The following HEATR4 variants were observed in gnomAD, a reference collection of about 807,000 sequenced individuals.
HEATR4 encodes HEAT repeat-containing protein 4.
Under a neutral mutation model 108.8 loss-of-function variants are expected in HEATR4, and 95 were observed. That is an observed-to-expected ratio of 0.87 (90% CI 0.74 to 1.04). The LOEUF is 1.04. HEATR4 is among the 50% of genes least tolerant of loss of function. The pLI, the probability that HEATR4 is intolerant of heterozygous loss-of-function variation, is 0.00. For synonymous variants in HEATR4, 443 were observed against 459.4 expected, an observed-to-expected ratio of 0.96 and a Z score of 0.46; for missense variants, 1,152 against 1,253.8, an observed-to-expected ratio of 0.92 and a Z score of 1.23.
At chr14:73,628,748 C>T in the HEATR4 span, among the ~76,000 whole-genome samples, 40 of 137,878 alleles carry the variant, frequency 2.9e-4, no homozygotes, top group African/African-American at 8.8e-4. Context: ...AGTGAAACTC[C>T]ATCTCAAAAA....
the HEATR4 span, among the ~76,000 whole-genome samples, chr14:73,610,290 CTT>C: frequency 1.4e-5 from 2 of 140,434 alleles, no homozygotes; most frequent in Non-Finnish European, 3.1e-5. Context: ...TCAAGTGTCG[CTT>C]TTTTTTTTTT....
chr14:73,609,469 C>T, the HEATR4 span, among the ~76,000 whole-genome samples: 1 of 152,000 alleles, frequency 6.6e-6, no homozygotes, highest in Non-Finnish European at 1.5e-5. Flanking sequence ...CAGGTCGTGG[C>T]TGATTCTAGG....
chr14:73,481,533 A>G (rs1885255714), intron 17 of HEATR4, among the ~76,000 whole-genome samples: 1 of 150,320 alleles, frequency 6.7e-6, no homozygotes, highest in Admixed American at 6.8e-5. Context: ...TGTGTAAAAG[A>G]CAAAGCTATA....
chr14:73,575,419 A>G, the HEATR4 span: 2 of 1,343,710 alleles, frequency 1.5e-6, no homozygotes, highest in Non-Finnish European at 2.0e-6. Context: ...CCCAGGGCTC[A>G]TGCCATGGCT....
At position 73,492,638 on chromosome 14, in the gene HEATR4, CA is replaced by C. The variant is rs781357389; in HGVS notation, c.2844+427del. On this transcript the variant is annotated intron_variant, in intron 17 of 17. Transcript: ENST00000553558. This position sits in a 1 kb window ranked among gnomAD's most constrained non-coding sequence, Gnocchi z 4.9. Reference sequence around the variant, plus strand: ...TGGAGAACCTGTAAACGTGGGGGCCCAGTTGACAACAGAAACAGAAGTCCAT... The same window carrying C: ...TGGAGAACCTGTAAACGTGGGGGCCCGTTGACAACAGAAACAGAAGTCCAT... 6.8e-6 allele frequency: 11 copies of C among 1,613,842 alleles called. No homozygotes were observed. Among genetic ancestry groups the C allele is most frequent in the African/African-American group, 2.7e-5 (2 of 74,906 alleles).
intron 1 of HEATR4, among the ~76,000 whole-genome samples, chr14:73,548,427 T>TTTGAAGTATTGTTTCATC: frequency 8.7e-6 from 1 of 114,820 alleles, no homozygotes; most frequent in South Asian, 2.8e-4. Context: ...ACTGGCTTGT[T>TTTGAAGTATTGTTTCATC]TTGAAGTATT....
At position 73,508,125 on chromosome 14, in the gene HEATR4, G is replaced by A. The variant is rs1223721740; in HGVS notation, c.1881+9C>T. 8 of 1,613,208 alleles carry A rather than the reference G, an allele frequency of 5.0e-6. No homozygotes were observed. Among genetic ancestry groups the A allele is most frequent in the Non-Finnish European group, 6.8e-6 (8 of 1,179,340 alleles). On this transcript the variant is annotated intron_variant, in intron 9 of 17. Coordinates refer to ENST00000553558, the MANE Select transcript of HEATR4 (RefSeq NM_001220484.1). ...CAAAACTGTGTCTGACCCGGTAATGGACACATACTGTCTTCTCACTCAGAT... is the reference window on the plus strand; with the variant it reads ...CAAAACTGTGTCTGACCCGGTAATGAACACATACTGTCTTCTCACTCAGAT...
the HEATR4 span, among the ~76,000 whole-genome samples, chr14:73,586,319 C>T: frequency 2.0e-5 from 3 of 151,920 alleles, no homozygotes; most frequent in Non-Finnish European, 4.4e-5. Flanking sequence ...ACTTGAACCC[C>T]GGAGGCAGAG....
chr14:73,506,481 C>T lies in HEATR4; in HGVS notation c.1972G>A (p.Gly658Arg), dbSNP rs146324119. 25 of 1,613,432 alleles carry T rather than the reference C, an allele frequency of 1.5e-5. No homozygotes were observed. Among genetic ancestry groups the T allele is most frequent in the Non-Finnish European group, 2.1e-5 (25 of 1,179,804 alleles). Residue 658 changes from glycine (G) to arginine (R), a missense_variant, in exon 10 of 18, where the codon GGA (glycine) becomes AGA (arginine). Gly to Arg is a moderately radical substitution (Grantham distance 125). Coordinates refer to ENST00000553558, the MANE Select transcript of HEATR4 (RefSeq NM_001220484.1). ...VACQAFSRIS[G>R]NVCLDMKHKL... is the part of the protein sequence containing the mutation. ...AAGAGGTTTACCAAGCAGACATTTCCACTGATCCGGGAGAAAGCCTGGCAG... is the reference window on the plus strand; with the variant it reads ...AAGAGGTTTACCAAGCAGACATTTCTACTGATCCGGGAGAAAGCCTGGCAG...
intron 17 of HEATR4, among the ~76,000 whole-genome samples, chr14:73,490,110 A>G (rs190815053): frequency 1.9e-4 from 29 of 152,312 alleles, no homozygotes; most frequent in African/African-American, 6.7e-4. Flanking sequence ...GGGAGTCTCT[A>G]GTAACTTGAT....
At chr14:73,491,094 G>T (rs775642569) in intron 17 of HEATR4, 3 of 1,600,836 alleles carry the variant, frequency 1.9e-6, no homozygotes, top group Admixed American at 1.7e-5. Flanking sequence ...CAGCCACACA[G>T]CGGGTCGGTC....
At chr14:73,518,871 T>C (rs1329688726) in intron 5 of HEATR4, 152 bp downstream of exon 5, 6 of 647,388 alleles carry the variant, frequency 9.3e-6, no homozygotes, top group Non-Finnish European at 1.5e-5. Context: ...TTTTGTGAGA[T>C]TATTTTTAGT....
At chr14:73,607,923 G>A in the HEATR4 span, among the ~76,000 whole-genome samples, 3,172 of 148,736 alleles carry the variant, frequency 0.021, 118 homozygotes, top group African/African-American at 0.074. Flanking sequence ...CATGCCCAGC[G>A]GGGTTTTCTT....
chr14:73,543,214 G>A (rs1207029782), intron 1 of HEATR4: 3 of 1,603,988 alleles, frequency 1.9e-6, no homozygotes, highest in Admixed American at 1.7e-5. Flanking sequence ...TGCCCCCTGT[G>A]GGCGTCAACA....
chr14:73,522,508 G>A lies in HEATR4; in HGVS notation c.645C>T (p.Ala215=), dbSNP rs749483356. The change falls in exon 3 of 18, where the codon GCC becomes GCT. Residue 215 remains alanine, a synonymous_variant. Transcript: ENST00000553558. ...TVLEKLNERT[A]RWIQSKRPRR... Reference sequence around the variant, plus strand: ...GAGGACGCTTGCTCTGGATCCATCGGGCTGTGCGCTCGTTCAGCTTTTCCA... The same window carrying A: ...GAGGACGCTTGCTCTGGATCCATCGAGCTGTGCGCTCGTTCAGCTTTTCCA... The A allele has an allele frequency of 6.2e-7, 1 of 1,614,196 alleles. No individual in the cohort carries two copies. The highest frequency in any genetic ancestry group is 8.5e-7 in the Non-Finnish European group (1 of 1,180,026).
chr14:73,550,158 T>G (rs1330691341), intron 1 of HEATR4, among the ~76,000 whole-genome samples: 1 of 113,378 alleles, frequency 8.8e-6, no homozygotes, highest in Non-Finnish European at 1.9e-5. Flanking sequence ...AACTGGAACA[T>G]TATAAAACAT....
chr14:73,494,233 T>C (rs942137374), intron 16 of HEATR4, among the ~76,000 whole-genome samples: 1 of 152,212 alleles, frequency 6.6e-6, no homozygotes, highest in Non-Finnish European at 1.5e-5. Context: ...GAAAGAGCAC[T>C]GGACTTGGAA....
rs1356767683 is a variant in HEATR4, at chr14:73,522,917, C to T, written c.236G>A (p.Trp79Ter). ...AGGAATGCTGGGCAGGCCTCGCTGCCACACCACCTCCTGAGAGAAGGTAAG... is the reference window on the plus strand; with the variant it reads ...AGGAATGCTGGGCAGGCCTCGCTGCTACACCACCTCCTGAGAGAAGGTAAG... Reference protein sequence around the residue: ...ANLTFSQEVVWQRGLPSIPYS... With the variant: ...ANLTFSQEVV Residue 79 changes from tryptophan to a stop codon, truncating the protein, a stop_gained, in exon 3 of 18, where the codon TGG becomes TAG. Coordinates refer to ENST00000553558, the MANE Select transcript of HEATR4 (RefSeq NM_001220484.1). LOFTEE classifies it high-confidence loss of function. 1 of 1,614,186 alleles carries T rather than the reference C, an allele frequency of 6.2e-7. No individual in the cohort carries two copies. Among genetic ancestry groups the T allele is most frequent in the Admixed American group, 1.7e-5 (1 of 60,032 alleles).
the HEATR4 span, among the ~76,000 whole-genome samples, chr14:73,625,681 T>C: frequency 8.5e-5 from 13 of 152,208 alleles, no homozygotes; most frequent in African/African-American, 2.9e-4. Flanking sequence ...TTATTATATC[T>C]GTTACGGTGA....
Sources: gnomAD v4.1 joint callset for allele counts (sites outside exome capture counted in the v4.1 genomes callset) on GRCh38, gnomAD v4.1.1 for gene constraint, Gnocchi (gnomAD v3.1) non-coding constraint, MANE v1.5 for transcripts, NCBI Gene and HGNC (gene_info 2026-07-23, HGNC 2026-07-21) for gene names.